COMMD1: variants seen among roughly 807,000 people sequenced by gnomAD.
The protein encoded by COMMD1 is COMM domain-containing protein 1.
COMMD1 carries 10 observed loss-of-function variants against 17.2 expected under a neutral mutation model. That is an observed-to-expected ratio of 0.58 (90% CI 0.36 to 0.99). The LOEUF (loss-of-function observed/expected upper bound fraction) is 0.99, where lower values mean the gene tolerates loss of function less well. Among genes scored for constraint, COMMD1 ranks in the 50% least tolerant of loss-of-function variants. The probability of loss-of-function intolerance (pLI) is 0.01; values close to 1 mark genes in which losing one functional copy is unlikely to be tolerated. For missense variants in COMMD1, 270 were observed against 231.8 expected (o/e 1.17, Z -1.07); for synonymous variants, 97 against 91.6 (o/e 1.06, Z -0.34).
At chr2:62,019,840 A>C (rs901471032) in intron 2 of COMMD1, among the ~76,000 whole-genome samples, 2 of 152,222 alleles carry the variant, frequency 1.3e-5, no homozygotes, top group Admixed American at 6.5e-5. Context: ...TTGTAGAAAC[A>C]AGTCACTCCA....
At chr2:62,015,072 C>G (rs1008011869) in intron 2 of COMMD1, among the ~76,000 whole-genome samples, 3 of 152,158 alleles carry the variant, frequency 2.0e-5, no homozygotes, top group Non-Finnish European at 4.4e-5. Context: ...TACAGATGAG[C>G]CACTGCATCC....
chr2:61,913,416 G>A (rs1669962860), intron 1 of COMMD1, among the ~76,000 whole-genome samples: 1 of 149,002 alleles, frequency 6.7e-6, no homozygotes, highest in Admixed American at 6.7e-5. Context: ...GGTGGCTCAT[G>A]CCTGTAATCC....
chr2:62,063,129 A>C (rs1670916365), intron 2 of COMMD1, among the ~76,000 whole-genome samples: 1 of 152,114 alleles, frequency 6.6e-6, no homozygotes, highest in Admixed American at 6.5e-5. Flanking sequence ...AAGCAGGAGA[A>C]TCGCTTGAAC....
At chr2:62,130,768 G>C (rs1255973935) in intron 2 of COMMD1, among the ~76,000 whole-genome samples, 1 of 152,168 alleles carries the variant, frequency 6.6e-6, no homozygotes, top group African/African-American at 2.4e-5. Context: ...TTTTGCAGAA[G>C]AATTGCTCAG....
chr2:61,940,468 C>A (rs1670714390), intron 1 of COMMD1, among the ~76,000 whole-genome samples: 3 of 152,148 alleles, frequency 2.0e-5, no homozygotes, highest in African/African-American at 7.2e-5. Context: ...ACCCCCAGAC[C>A]ATTCTACCTT....
intron 1 of COMMD1, among the ~76,000 whole-genome samples, chr2:61,963,234 T>TACAC (rs567391883): frequency 8.1e-5 from 12 of 149,044 alleles, no homozygotes; most frequent in African/African-American, 2.7e-4. Context: ...TATACATATA[T>TACAC]ACACACACAC....
At chr2:62,132,683 GA>G (rs1269107870) in intron 2 of COMMD1, among the ~76,000 whole-genome samples, 5 of 151,438 alleles carry the variant, frequency 3.3e-5, no homozygotes, top group Non-Finnish European at 7.4e-5. Flanking sequence ...TGTCTCTATT[GA>G]AAAAAAATAC....
At chr2:62,021,886 G>A (rs1476343923) in intron 2 of COMMD1, among the ~76,000 whole-genome samples, 4 of 152,108 alleles carry the variant, frequency 2.6e-5, no homozygotes, top group African/African-American at 9.7e-5. Context: ...TAACATCAGG[G>A]TTAAACTCTC....
intron 1 of COMMD1, among the ~76,000 whole-genome samples, chr2:61,910,228 A>G (rs951666480): frequency 2.6e-5 from 4 of 151,730 alleles, no homozygotes; most frequent in Admixed American, 6.6e-5. Flanking sequence ...TATAAAATAT[A>G]TAAAAGGCAG....
chr2:61,897,758 A>T (rs920015187), intron 1 of COMMD1, among the ~76,000 whole-genome samples: 1 of 151,866 alleles, frequency 6.6e-6, no homozygotes, highest in Admixed American at 6.6e-5. Flanking sequence ...TTTAAAAAAA[A>T]TATATATATA....
At chr2:62,074,883 G>T (rs1434154159) in intron 2 of COMMD1, among the ~76,000 whole-genome samples, 11 of 110,514 alleles carry the variant, frequency 1.0e-4, no homozygotes, top group South Asian at 3.0e-4. Flanking sequence ...TGTTTGTGTG[G>T]TTTTTTTTTT....
chr2:62,034,920 T>C (rs1201909240), intron 2 of COMMD1, among the ~76,000 whole-genome samples: 2 of 152,238 alleles, frequency 1.3e-5, no homozygotes, highest in Non-Finnish European at 2.9e-5. Context: ...AATTACTTGC[T>C]TCATCATCAT....
At chr2:62,057,869 G>A (rs1670752387) in intron 2 of COMMD1, among the ~76,000 whole-genome samples, 1 of 152,010 alleles carries the variant, frequency 6.6e-6, no homozygotes, top group Non-Finnish European at 1.5e-5. Flanking sequence ...ACCCCACTCA[G>A]TCCAAAATAT....
chr2:62,081,956 A>C (rs540379817), intron 2 of COMMD1, among the ~76,000 whole-genome samples: 4 of 152,152 alleles, frequency 2.6e-5, no homozygotes, highest in Admixed American at 6.5e-5. Context: ...TAAATTTGTA[A>C]CCTACTAGGA....
At chr2:61,971,964 T>C (rs1472834304) in intron 1 of COMMD1, among the ~76,000 whole-genome samples, 3 of 151,666 alleles carry the variant, frequency 2.0e-5, no homozygotes, top group Admixed American at 6.6e-5. Context: ...CTACAGAAAA[T>C]TTTAAAAATT....
At chr2:62,042,462 C>T (rs1022461363) in intron 2 of COMMD1, among the ~76,000 whole-genome samples, 3 of 152,216 alleles carry the variant, frequency 2.0e-5, no homozygotes, top group Non-Finnish European at 2.9e-5. Flanking sequence ...AGCCTGGGCA[C>T]TCCGGCAACC....
intron 2 of COMMD1, among the ~76,000 whole-genome samples, chr2:62,044,654 T>G (rs1670330160): frequency 1.3e-5 from 2 of 152,184 alleles, no homozygotes; most frequent in African/African-American, 2.4e-5. Context: ...GTTTCTTTTT[T>G]TACATTTGTT....
intron 2 of COMMD1, among the ~76,000 whole-genome samples, chr2:62,111,285 A>T (rs896600088): frequency 2.0e-5 from 3 of 152,250 alleles, no homozygotes; most frequent in Non-Finnish European, 4.4e-5. Flanking sequence ...AGGACAGGTT[A>T]ACAAGAGAAA....
At chr2:61,987,553 G>T (rs544364438) in intron 1 of COMMD1, among the ~76,000 whole-genome samples, 12 of 152,284 alleles carry the variant, frequency 7.9e-5, no homozygotes, top group Non-Finnish European at 2.9e-5. Context: ...CTTTCTCTGT[G>T]CTGGACTACC....
Sources: allele counts gnomAD v4.1 joint callset (sites outside exome capture counted in the v4.1 genomes callset), GRCh38; gene constraint gnomAD v4.1.1; transcripts MANE v1.5; gene names NCBI Gene and HGNC (gene_info 2026-07-23, HGNC 2026-07-21).